ADAMTSL1: variants seen among roughly 807,000 people sequenced by gnomAD.
ADAMTSL1 encodes the protein ADAMTS-like protein 1.
Under a neutral mutation model 201.8 loss-of-function variants are expected in ADAMTSL1, and 126 were observed. The observed-to-expected ratio is 0.62, with a 90% CI of 0.54 to 0.72. The LOEUF is 0.72. Ranked by LOEUF, ADAMTSL1 falls within the 30% of genes least tolerant of loss-of-function variation. The probability of loss-of-function intolerance (pLI) is 0.00; values close to 1 mark genes in which losing one functional copy is unlikely to be tolerated. For missense variants in ADAMTSL1, 2,679 were observed against 2,277.8 expected, an observed-to-expected ratio of 1.18 and a Z score of -3.59; for synonymous variants, 1,121 against 903.4, an observed-to-expected ratio of 1.24 and a Z score of -4.32.
chr9:18,376,754 C>G (rs1837313731), intron 2 of ADAMTSL1, among the ~76,000 whole-genome samples: 1 of 151,982 alleles, frequency 6.6e-6, no homozygotes, highest in South Asian at 2.1e-4. Context: ...TGCAGTGAGC[C>G]AAGATCGCAT....
intron 23 of ADAMTSL1, among the ~76,000 whole-genome samples, chr9:18,855,615 ATCTCTGAAAGGATGTAGAAAGACCAG>A (rs1198949999): frequency 7.9e-5 from 12 of 152,296 alleles, no homozygotes; most frequent in Middle Eastern, 3.4e-3. Flanking sequence ...TCAATATTTT[ATCTCTGAAAGGATGTAGAAAGACCAG>A]TTTAGCTCAT....
intron 4 of ADAMTSL1, among the ~76,000 whole-genome samples, chr9:18,616,950 A>C (rs1316403928): frequency 6.6e-6 from 1 of 152,220 alleles, no homozygotes; most frequent in Non-Finnish European, 1.5e-5. Flanking sequence ...AGGATAATCC[A>C]TGTAAACCAC....
At chr9:18,474,800 G>A (rs1821370979) in intron 1 of ADAMTSL1, among the ~76,000 whole-genome samples, 1 of 152,132 alleles carries the variant, frequency 6.6e-6, no homozygotes, top group Non-Finnish European at 1.5e-5. Context: ...CCCAGATTAT[G>A]GCTCTTAATT....
chr9:18,277,463 G>A (rs1464550046), intron 2 of ADAMTSL1, among the ~76,000 whole-genome samples: 3 of 152,036 alleles, frequency 2.0e-5, no homozygotes, highest in Admixed American at 2.0e-4. Context: ...CTCCTCTACT[G>A]GGAACATATA....
intron 3 of ADAMTSL1, 96 bp downstream of exon 3, chr9:18,533,388 G>A: frequency 3.1e-6 from 3 of 968,648 alleles, no homozygotes; most frequent in Non-Finnish European, 4.6e-6. Flanking sequence ...CAACCAACTA[G>A]TATTTCACTG....
intron 3 of ADAMTSL1, among the ~76,000 whole-genome samples, chr9:18,551,202 C>T (rs186010550): frequency 9.1e-4 from 139 of 151,942 alleles, no homozygotes; most frequent in Non-Finnish European, 6.0e-4. Context: ...CATATCCTTG[C>T]CAGTGCTTGA....
intron 2 of ADAMTSL1, among the ~76,000 whole-genome samples, chr9:18,312,980 T>C (rs920141098): frequency 6.6e-6 from 1 of 152,222 alleles, no homozygotes; most frequent in African/African-American, 2.4e-5. Context: ...ATTAAAAGTA[T>C]AGTCTGTGGA....
At chr9:18,528,268 G>A (rs1288024386) in intron 2 of ADAMTSL1, among the ~76,000 whole-genome samples, 1 of 151,990 alleles carries the variant, frequency 6.6e-6, no homozygotes, top group Non-Finnish European at 1.5e-5. Flanking sequence ...GTGTGCCATG[G>A]TAGTTTGCTG....
chr9:18,113,715 A>G (rs1002604409), intron 1 of ADAMTSL1, among the ~76,000 whole-genome samples: 2 of 152,150 alleles, frequency 1.3e-5, no homozygotes, highest in African/African-American at 2.4e-5. Flanking sequence ...ACTGCTTACT[A>G]TATGACAGTC....
At chr9:18,626,725 T>G (rs1184783397) in intron 5 of ADAMTSL1, among the ~76,000 whole-genome samples, 1 of 152,218 alleles carries the variant, frequency 6.6e-6, no homozygotes, top group East Asian at 1.9e-4. Flanking sequence ...AGGCCACAGA[T>G]GACAATGGCT....
At chr9:18,498,075 C>A (rs1408826586) in intron 1 of ADAMTSL1, among the ~76,000 whole-genome samples, 1 of 151,752 alleles carries the variant, frequency 6.6e-6, no homozygotes, top group Non-Finnish European at 1.5e-5. Context: ...ATACAAAATT[C>A]ACATACTGAT....
intron 1 of ADAMTSL1, among the ~76,000 whole-genome samples, chr9:18,489,473 C>T (rs930347624): frequency 9.2e-5 from 14 of 152,118 alleles, no homozygotes; most frequent in Admixed American, 2.0e-4. Flanking sequence ...ACCAGGATGT[C>T]GCGTAATCTG....
Position 18,272,926 on chromosome 9 carries a change from G to A in ADAMTSL1, c.207+108945G>A, listed in dbSNP as rs552254543. On this transcript the variant is annotated intron_variant, in intron 2 of 29. Transcript: ENST00000680146. Reference sequence around the variant, plus strand: ...CTGCCTAATGAGAGAACTCATATTAGTATATTATTTTTAATGGGTAAGTGC... The same window carrying A: ...CTGCCTAATGAGAGAACTCATATTAATATATTATTTTTAATGGGTAAGTGC... Among the ~76,000 whole-genome samples the A allele has an allele frequency of 2.6e-5, 4 of 152,242 alleles. No homozygotes were observed. In the South Asian group the frequency reaches 8.3e-4, roughly 32 times the overall value.
At chr9:18,255,670 C>G (rs1831654129) in intron 2 of ADAMTSL1, among the ~76,000 whole-genome samples, 1 of 152,154 alleles carries the variant, frequency 6.6e-6, no homozygotes, top group South Asian at 2.1e-4. Flanking sequence ...GTTTGCAAAT[C>G]CAGAGACAGG....
At chr9:18,511,496 A>G (rs1420392560) in intron 2 of ADAMTSL1, among the ~76,000 whole-genome samples, 1 of 152,132 alleles carries the variant, frequency 6.6e-6, no homozygotes, top group Non-Finnish European at 1.5e-5. Context: ...GCAAGAAATA[A>G]AAATCACACA....
At chr9:18,525,749 T>C (rs113134518) in intron 2 of ADAMTSL1, among the ~76,000 whole-genome samples, 14,088 of 152,068 alleles carry the variant, frequency 0.093, 1,912 homozygotes, top group African/African-American at 0.3. Flanking sequence ...TGTAGGTGAG[T>C]GGTTTTGAGT....
chr9:18,494,343 G>C (rs1178490102), intron 1 of ADAMTSL1, among the ~76,000 whole-genome samples: 2 of 145,376 alleles, frequency 1.4e-5, no homozygotes, highest in Non-Finnish European at 3.0e-5. Flanking sequence ...GTGACAGACT[G>C]TCTCAAAAAA....
intron 2 of ADAMTSL1, among the ~76,000 whole-genome samples, chr9:18,222,950 A>G (rs114088148): frequency 0.011 from 1,722 of 152,100 alleles, 35 homozygotes; most frequent in African/African-American, 0.04. Context: ...ATCTGTATAG[A>G]TAATCTGTCT....
chr9:18,852,193 G>T (rs997254205), intron 23 of ADAMTSL1, among the ~76,000 whole-genome samples: 2 of 152,142 alleles, frequency 1.3e-5, no homozygotes, highest in African/African-American at 4.8e-5. Context: ...CAGAATGCCT[G>T]GCTCTGCCAC....
Sources: allele counts gnomAD v4.1 joint callset (sites outside exome capture counted in the v4.1 genomes callset), GRCh38; gene constraint gnomAD v4.1.1; transcripts MANE v1.5; gene names NCBI Gene and HGNC (gene_info 2026-07-23, HGNC 2026-07-21).